The following EBF1 variants were observed in gnomAD, a reference collection of about 807,000 sequenced individuals.
EBF1 encodes the protein EBF transcription factor 1.
Under a neutral mutation model 68.4 loss-of-function variants are expected in EBF1, and 10 were observed. The ratio of observed to expected loss-of-function variants is 0.15; its 90% CI spans 0.09 to 0.25. The LOEUF (loss-of-function observed/expected upper bound fraction) is 0.25. Ranked by LOEUF, EBF1 falls within the 10% of genes least tolerant of loss-of-function variation. The pLI is 1.00. For synonymous variants in EBF1, 298 were observed against 299.8 expected (o/e 0.99, Z 0.06); for missense variants, 509 against 794.4 (o/e 0.64, Z 4.32).
At chr5:158,870,742 C>G (rs141924174) in intron 6 of EBF1, among the ~76,000 whole-genome samples, 1 of 152,162 alleles carries the variant, frequency 6.6e-6, no homozygotes, top group South Asian at 2.1e-4. Flanking sequence ...AACCACATAG[C>G]AAGGTCTGAA....
intron 6 of EBF1, among the ~76,000 whole-genome samples, chr5:158,842,164 A>AG (rs1790458187): frequency 6.6e-6 from 1 of 152,194 alleles, no homozygotes; most frequent in Non-Finnish European, 1.5e-5. Flanking sequence ...TGGTAAAGGA[A>AG]GGGGGGTTAA....
chr5:158,908,450 C>A (rs769632160), intron 6 of EBF1, among the ~76,000 whole-genome samples: 25 of 152,190 alleles, frequency 1.6e-4, no homozygotes, highest in Non-Finnish European at 2.5e-4. Context: ...AAACCCTCAT[C>A]TTTTTCCTTT....
At chr5:158,919,239 T>TC (rs1807870338) in intron 6 of EBF1, among the ~76,000 whole-genome samples, 1 of 151,580 alleles carries the variant, frequency 6.6e-6, no homozygotes, top group African/African-American at 2.4e-5. Context: ...AATTAAGATT[T>TC]TTTTTTTTTT....
intron 6 of EBF1, among the ~76,000 whole-genome samples, chr5:158,858,895 G>A (rs866445489): frequency 3.9e-5 from 6 of 152,050 alleles, no homozygotes; most frequent in Admixed American, 1.3e-4. Flanking sequence ...GGGTGGGGCC[G>A]GGTGAGTGAC....
intron 10 of EBF1, among the ~76,000 whole-genome samples, chr5:158,749,437 C>A (rs1768287211): frequency 6.6e-6 from 1 of 152,078 alleles, no homozygotes; most frequent in African/African-American, 2.4e-5. Context: ...CCAACAGTGA[C>A]CATAATCCTG....
intron 6 of EBF1, among the ~76,000 whole-genome samples, chr5:158,863,655 C>A (rs1354813987): frequency 1.1e-4 from 16 of 152,132 alleles, no homozygotes; most frequent in Admixed American, 4.6e-4. Context: ...AAAAAATATG[C>A]TGGAATGTTT....
At chr5:158,756,723 T>A (rs954699614) in intron 10 of EBF1, among the ~76,000 whole-genome samples, 1 of 151,464 alleles carries the variant, frequency 6.6e-6, no homozygotes, top group Non-Finnish European at 1.5e-5. Flanking sequence ...GATGAATGAA[T>A]GAAAGAATGA....
chr5:159,092,475 C>T (rs190013700), intron 4 of EBF1, among the ~76,000 whole-genome samples: 13 of 152,214 alleles, frequency 8.5e-5, no homozygotes, highest in Admixed American at 2.0e-4. Flanking sequence ...AATTAAGAGT[C>T]ATTACCCAAA....
intron 6 of EBF1, among the ~76,000 whole-genome samples, chr5:158,855,700 G>T (rs772645539): frequency 3.3e-5 from 5 of 152,236 alleles, no homozygotes; most frequent in Non-Finnish European, 7.3e-5. Context: ...CTAAGTGAAT[G>T]AGTAAGTAAG....
chr5:158,838,203 T>C lies in EBF1; in HGVS notation c.636+1826A>G, dbSNP rs989172699. On this transcript the variant is annotated intron_variant, in intron 7 of 15. Coordinates refer to ENST00000313708, the MANE Select transcript of EBF1 (RefSeq NM_024007.5). The stretch of plus-strand genomic sequence containing the variant: ...GCTCACGCCTGTAATTCCAGCACTT[T>C]GGGAGGCCGAGACAAGCAGATCACA... Among the ~76,000 whole-genome samples the C allele has an allele frequency of 2.6e-5, 4 of 152,032 alleles. No individual in the cohort carries two copies. The East Asian group carries it at 7.7e-4, about 29-fold the overall frequency.
intron 6 of EBF1, among the ~76,000 whole-genome samples, chr5:158,883,841 A>C (rs1253758862): frequency 6.6e-6 from 1 of 152,184 alleles, no homozygotes; most frequent in African/African-American, 2.4e-5. Context: ...AAGATAAAAA[A>C]GCGGTCCTTG....
intron 6 of EBF1, among the ~76,000 whole-genome samples, chr5:158,896,314 A>G (rs1802174315): frequency 2.0e-5 from 3 of 152,272 alleles, no homozygotes; most frequent in Admixed American, 6.5e-5. Context: ...ACTATTACCT[A>G]TTAAATTGTA....
chr5:159,096,863 G>T (rs918521114), intron 2 of EBF1, 111 bp downstream of exon 2: 2 of 1,370,034 alleles, frequency 1.5e-6, no homozygotes, highest in Non-Finnish European at 2.0e-6. Context: ...CCCCCACATA[G>T]AAGTGTGTTA....
At chr5:158,847,303 G>C (rs1029533012) in intron 6 of EBF1, among the ~76,000 whole-genome samples, 8 of 152,152 alleles carry the variant, frequency 5.3e-5, no homozygotes, top group Non-Finnish European at 1.2e-4. Context: ...GGAAAAGGAC[G>C]CACTCCACGT....
intron 6 of EBF1, among the ~76,000 whole-genome samples, chr5:158,897,887 G>A (rs1802480272): frequency 6.6e-6 from 1 of 152,124 alleles, no homozygotes; most frequent in South Asian, 2.1e-4. Context: ...GTGGAAAATG[G>A]GGATATTAAT....
chr5:158,816,410 T>A (rs1289857263), intron 8 of EBF1, among the ~76,000 whole-genome samples: 3 of 152,190 alleles, frequency 2.0e-5, no homozygotes, highest in Non-Finnish European at 2.9e-5. Context: ...GAGTGCTGAA[T>A]GGATTTTGAG....
At position 158,752,603 on chromosome 5, in the gene EBF1, G is replaced by A. The variant is rs970362321; in HGVS notation, c.1037-21446C>T. Among the ~76,000 whole-genome samples the A allele has an allele frequency of 4.6e-5, 7 of 152,032 alleles. No individual in the cohort carries two copies. In the South Asian group the frequency reaches 6.2e-4, roughly 14 times the overall value. On this transcript the variant is annotated intron_variant, in intron 10 of 15. Coordinates refer to ENST00000313708, the MANE Select transcript of EBF1 (RefSeq NM_024007.5). Reference sequence around the variant, plus strand: ...GCAAATTTTTACTGTAATACATTTCGTTACTGAGTGAGGGAGGAAAACAAC... The same window carrying A: ...GCAAATTTTTACTGTAATACATTTCATTACTGAGTGAGGGAGGAAAACAAC...
intron 8 of EBF1, among the ~76,000 whole-genome samples, chr5:158,803,448 A>G (rs1168053363): frequency 6.7e-6 from 1 of 150,022 alleles, no homozygotes; most frequent in Admixed American, 6.7e-5. Context: ...ACTAGCAGCT[A>G]CTGGACAGGC....
intron 6 of EBF1, among the ~76,000 whole-genome samples, chr5:159,066,654 C>T (rs1391374879): frequency 1.3e-5 from 2 of 149,250 alleles, no homozygotes; most frequent in Non-Finnish European, 3.0e-5. Context: ...CACACACACA[C>T]TCAGCTTCAC....
Sources: gnomAD v4.1 joint callset for allele counts (sites outside exome capture counted in the v4.1 genomes callset) on GRCh38, gnomAD v4.1.1 for gene constraint, MANE v1.5 for transcripts, NCBI Gene and HGNC (gene_info 2026-07-23, HGNC 2026-07-21) for gene names.